Variants in NSD1 observed in about 807,000 individuals in gnomAD.
The protein encoded by NSD1 is histone-lysine N-methyltransferase, H3 lysine-36 specific.
A neutral mutation model predicts 242.7 loss-of-function variants in NSD1; 26 were observed. The ratio of observed to expected loss-of-function variants is 0.11; its 90% CI spans 0.08 to 0.15. The LOEUF (loss-of-function observed/expected upper bound fraction) is 0.15. Among genes scored for constraint, NSD1 ranks in the 10% least tolerant of loss-of-function variants. The probability of loss-of-function intolerance (pLI) is 1.00; values close to 1 mark genes in which losing one functional copy is unlikely to be tolerated. For missense variants in NSD1, 2,495 were observed against 3,272.8 expected, an observed-to-expected ratio of 0.76 and a Z score of 5.80; for synonymous variants, 1,106 against 1,178.1, an observed-to-expected ratio of 0.94 and a Z score of 1.25.
chr5:177,172,892 G>A (rs1408435742), intron 2 of NSD1, among the ~76,000 whole-genome samples: 1 of 142,992 alleles, frequency 7.0e-6, no homozygotes, highest in South Asian at 2.2e-4. Context: ...AGTCTGGTAT[G>A]TTGAGGCTGT....
chr5:177,185,777 T>TG, intron 2 of NSD1, among the ~76,000 whole-genome samples: 1 of 45,892 alleles, frequency 2.2e-5, no homozygotes, highest in East Asian at 1.2e-3. Flanking sequence ...ATTTATATAT[T>TG]ATATATGTAT....
At chr5:177,154,089 G>A (rs749772089) in intron 2 of NSD1, among the ~76,000 whole-genome samples, 1 of 152,104 alleles carries the variant, frequency 6.6e-6, no homozygotes, top group African/African-American at 2.4e-5. Flanking sequence ...GTCCAAGACG[G>A]CTCACTCATA....
intron 12 of NSD1, among the ~76,000 whole-genome samples, chr5:177,252,538 T>TC (rs1756065664): frequency 1.0e-5 from 1 of 99,884 alleles, no homozygotes; most frequent in Non-Finnish European, 2.1e-5. Flanking sequence ...AGTAAAGTGT[T>TC]CTTTTTTTTT....
In NSD1 at chr5:177,211,786, T is replaced by C. The variant is rs757845318; in HGVS notation, c.3387T>C (p.Phe1129=). The C allele has an allele frequency of 6.2e-7, 1 of 1,614,134 alleles. No homozygotes were observed. The highest frequency in any genetic ancestry group is 1.7e-5 in the Admixed American group (1 of 60,004). Residue 1129 remains phenylalanine, a synonymous_variant, in exon 5 of 23, where the codon TTT becomes TTC. Coordinates refer to ENST00000439151, the MANE Select transcript of NSD1 (RefSeq NM_022455.5). ...AAATTTCTGAAAAAGGACTCTCTTT[T>C]GAAAACGGAAAAGGCCCAGAGCTGG... is the stretch of plus-strand genomic sequence containing the variant. The part of the protein sequence containing the change: ...PGKISEKGLS[F]ENGKGPELDS...
Position 177,211,687 on chromosome 5 carries a change from C to A in NSD1, c.3288C>A (p.His1096Gln). 25 of 1,614,008 alleles carry A rather than the reference C, an allele frequency of 1.5e-5. No homozygotes were observed. Among genetic ancestry groups the A allele is most frequent in the Non-Finnish European group, 1.9e-5 (22 of 1,180,020 alleles). The change falls in exon 5 of 23, where the codon CAC becomes CAA. Residue 1096 changes from histidine to glutamine, a missense_variant. Coordinates refer to ENST00000439151, the MANE Select transcript of NSD1 (RefSeq NM_022455.5). ...SKEDPLQIMG[H>Q]LTSEDGDHFS... Reference sequence around the variant, plus strand: ...AGGATCCCCTTCAGATAATGGGCCACTTAACAAGTGAAGATGGTGACCATT... The same window carrying A: ...AGGATCCCCTTCAGATAATGGGCCAATTAACAAGTGAAGATGGTGACCATT...
At position 177,295,417 on chromosome 5, in the gene NSD1, G is replaced by C; in HGVS notation, c.8049G>C (p.Gln2683His). 6.2e-7 allele frequency: 1 copy of C among 1,614,192 alleles called. No homozygotes were observed. Among genetic ancestry groups the C allele is most frequent in the Non-Finnish European group, 8.5e-7 (1 of 1,180,030 alleles). Residue 2683 changes from glutamine (Q) to histidine (H), a missense_variant, in exon 23 of 23, where the codon CAG becomes CAC. By Grantham distance (24) the Gln-to-His change is conservative. Transcript: ENST00000439151. This position sits in a 1 kb window ranked among gnomAD's most constrained non-coding sequence, Gnocchi z 4.3. ...AAAATACACTTCCAGCTCTTAACCA[G>C]GCTCCTTCCAGTCACAAGTGTGCAG... ...PEQNTLPALN[Q>H]APSSHKCAES...
At chr5:177,172,417 G>A (rs1183265487) in intron 2 of NSD1, among the ~76,000 whole-genome samples, 1 of 151,932 alleles carries the variant, frequency 6.6e-6, no homozygotes, top group African/African-American at 2.4e-5. Flanking sequence ...CTTTCATCAG[G>A]TAAAATGAAA....
intron 14 of NSD1, among the ~76,000 whole-genome samples, chr5:177,261,213 G>T (rs1239491317): frequency 6.6e-6 from 1 of 150,646 alleles, no homozygotes; most frequent in Non-Finnish European, 1.5e-5. Context: ...GGGATTACAG[G>T]CGTTCAACAT....
At position 177,211,233 on chromosome 5, in the gene NSD1, C is replaced by A. The variant is rs2095343853; in HGVS notation, c.2834C>A (p.Ser945Tyr). 1.2e-6 allele frequency: 2 copies of A among 1,613,940 alleles called. No individual in the cohort carries two copies. The highest frequency in any genetic ancestry group is 1.7e-6 in the Non-Finnish European group (2 of 1,179,930). Residue 945 changes from serine to tyrosine, a missense_variant, in exon 5 of 23, where the codon TCT becomes TAT. Physicochemically the swap from Ser to Tyr is moderately radical, Grantham distance 144. Coordinates refer to ENST00000439151, the MANE Select transcript of NSD1 (RefSeq NM_022455.5). ...SYRSPGRGDCSTNSPVGVSKV... is the reference protein window; with the variant it reads ...SYRSPGRGDCYTNSPVGVSKV... ...CGGAGTCCTGGTCGTGGGGACTGTT[C>A]TACTAATAGTCCTGTAGGAGTCTCT... is the stretch of plus-strand genomic sequence containing the variant.
intron 16 of NSD1, among the ~76,000 whole-genome samples, chr5:177,272,334 T>C (rs1455971567): frequency 2.0e-5 from 3 of 151,906 alleles, no homozygotes; most frequent in African/African-American, 7.3e-5. Context: ...AAGAACACAT[T>C]TTAGGACAAT....
chr5:177,267,723 G>T lies in NSD1; in HGVS notation c.5303+5G>T. The T allele has an allele frequency of 6.2e-7, 1 of 1,613,458 alleles. No individual in the cohort carries two copies. The highest frequency in any genetic ancestry group is 8.5e-7 in the Non-Finnish European group (1 of 1,179,624). On this transcript the variant is annotated splice_donor_5th_base_variant and intron_variant, in intron 15 of 22. Coordinates refer to ENST00000439151, the MANE Select transcript of NSD1 (RefSeq NM_022455.5). ...GGTAAAAGTTGGACGATACAGGTAA[G>T]CCTGAAGAATAGCACTCATCTCTTT...
intron 9 of NSD1, among the ~76,000 whole-genome samples, chr5:177,245,867 G>C (rs955440735): frequency 6.6e-6 from 1 of 152,060 alleles, no homozygotes; most frequent in African/African-American, 2.4e-5. Flanking sequence ...TTGATCTCCT[G>C]ACCTCGTGAT....
At position 177,203,722 on chromosome 5, in the gene NSD1, T is replaced by G. The variant is rs181116797; in HGVS notation, c.1064-398T>G. Among the ~76,000 whole-genome samples the G allele has an allele frequency of 2.5e-3, 236 of 95,320 alleles. 1 individual carries two copies. Among genetic ancestry groups the G allele is most frequent in the Admixed American group, 0.01 (80 of 7,668 alleles). The allele number at this position is 95,320 out of a possible 152,430, so 62.5% of individuals were successfully genotyped here. On this transcript the variant is annotated intron_variant, in intron 3 of 22. Transcript: ENST00000439151. ...CTAGTGTTTTTCACGTTTTCTTGGGTTTTTTTTTGTATATATATTTTTGTT... is the reference window on the plus strand; with the variant it reads ...CTAGTGTTTTTCACGTTTTCTTGGGGTTTTTTTTGTATATATATTTTTGTT...
intron 13 of NSD1, among the ~76,000 whole-genome samples, chr5:177,258,076 G>C (rs1485829924): frequency 6.8e-6 from 1 of 147,430 alleles, no homozygotes; most frequent in Non-Finnish European, 1.5e-5. Context: ...TGCCTCCCGG[G>C]TTCAAGCGAT....
chr5:177,175,347 C>T (rs1376314198), intron 2 of NSD1, among the ~76,000 whole-genome samples: 1 of 152,084 alleles, frequency 6.6e-6, no homozygotes, highest in East Asian at 1.9e-4. Flanking sequence ...CTTTTTGAGG[C>T]TGGGGACGTG....
At chr5:177,170,713 G>A (rs1759629298) in intron 2 of NSD1, among the ~76,000 whole-genome samples, 1 of 152,054 alleles carries the variant, frequency 6.6e-6, no homozygotes, top group Admixed American at 6.6e-5. Flanking sequence ...ATTTGGAAGT[G>A]TACAATTCAG....
rs572750432 is a variant in NSD1 at position 177,161,741 on chromosome 5, G to T, written c.927+25711G>T. Among the ~76,000 whole-genome samples, 8 of 144,906 alleles carry T rather than the reference G, an allele frequency of 5.5e-5. No individual in the cohort carries two copies. In the South Asian group the frequency reaches 1.7e-3, roughly 32 times the overall value. Reference sequence around the variant, plus strand: ...AGTCCAGCCTGGAGTGCTGTGGCATGATCTTGGCACACTTGCAACCTCTGC... The same window carrying T: ...AGTCCAGCCTGGAGTGCTGTGGCATTATCTTGGCACACTTGCAACCTCTGC... On this transcript the variant is annotated intron_variant, in intron 2 of 22. Coordinates refer to ENST00000439151, the MANE Select transcript of NSD1 (RefSeq NM_022455.5).
Position 177,294,201 on chromosome 5 carries a change from T to A in NSD1, c.6833T>A (p.Leu2278Gln). The change falls in exon 23 of 23, where the codon CTA (leucine) becomes CAA (glutamine). Residue 2278 changes from leucine (L) to glutamine (Q), a missense_variant. Around this residue, in one of 19 missense-constraint regions of NSD1, gnomAD observed 475 missense variants for 563.7 expected, o/e 0.84. Coordinates refer to ENST00000439151, the MANE Select transcript of NSD1 (RefSeq NM_022455.5). ...ALAGTCQRPL[L>Q]PERPLERTDS... Reference sequence around the variant, plus strand: ...GCAGGGACTTGTCAGAGGCCATTGCTACCTGAAAGACCTCTTGAGAGAACT... The same window carrying A: ...GCAGGGACTTGTCAGAGGCCATTGCAACCTGAAAGACCTCTTGAGAGAACT... 6.2e-7 allele frequency: 1 copy of A among 1,613,440 alleles called. No individual in the cohort carries two copies. The highest frequency in any genetic ancestry group is 1.1e-5 in the South Asian group (1 of 91,016).
chr5:177,153,896 A>G (rs1757921195), intron 2 of NSD1, among the ~76,000 whole-genome samples: 1 of 152,156 alleles, frequency 6.6e-6, no homozygotes, highest in Non-Finnish European at 1.5e-5. Context: ...CTGCTCTATC[A>G]GTTATCCCTT....
Sources: gnomAD v4.1 joint callset for allele counts (sites outside exome capture counted in the v4.1 genomes callset) on GRCh38, gnomAD v4.1.1 for gene constraint, gnomAD v4.1.1 regional missense constraint, Gnocchi (gnomAD v3.1) non-coding constraint, MANE v1.5 for transcripts, NCBI Gene and HGNC (gene_info 2026-07-23, HGNC 2026-07-21) for gene names.